Variants in DLGAP2 observed in about 807,000 individuals in gnomAD.
DLGAP2 encodes disks large-associated protein 2.
Under a neutral mutation model 100.3 loss-of-function variants are expected in DLGAP2, and 26 were observed. That is an observed-to-expected ratio of 0.26 (90% CI 0.19 to 0.36). The LOEUF (loss-of-function observed/expected upper bound fraction) is 0.36, where lower values mean the gene tolerates loss of function less well. Among genes scored for constraint, DLGAP2 ranks in the 10% least tolerant of loss-of-function variants. DLGAP2 has a pLI of 1.00. For missense variants in DLGAP2, 1,858 were observed against 1,453.2 expected (o/e 1.28, Z -4.53); for synonymous variants, 886 against 630.1 (o/e 1.41, Z -6.08).
At chr8:1,543,956 G>T (rs1563211191) in intron 4 of DLGAP2, among the ~76,000 whole-genome samples, 1 of 151,770 alleles carries the variant, frequency 6.6e-6, no homozygotes, top group Non-Finnish European at 1.5e-5. Flanking sequence ...AGGCTGGAGT[G>T]CAGTGATGCA....
chr8:1,323,282 A>T (rs1479553592), intron 3 of DLGAP2, among the ~76,000 whole-genome samples: 1 of 152,244 alleles, frequency 6.6e-6, no homozygotes, highest in East Asian at 1.9e-4. Flanking sequence ...CACCCGCCTC[A>T]GCCTCCCAAA....
chr8:1,491,237 A>G (rs972849918), intron 3 of DLGAP2, among the ~76,000 whole-genome samples: 9 of 152,004 alleles, frequency 5.9e-5, no homozygotes, highest in Admixed American at 1.3e-4. Flanking sequence ...TGAAATTCAC[A>G]TGTAACTGGC....
At chr8:1,229,348 A>G (rs1197499712) in intron 2 of DLGAP2, among the ~76,000 whole-genome samples, 2 of 151,812 alleles carry the variant, frequency 1.3e-5, no homozygotes, top group South Asian at 4.2e-4. Context: ...GTATGAATCC[A>G]TCTGTTCTGA....
At chr8:1,691,776 G>A (rs1283372272) in intron 13 of DLGAP2, 150 bp downstream of exon 13, 5 of 733,320 alleles carry the variant, frequency 6.8e-6, no homozygotes, top group South Asian at 3.8e-5. Flanking sequence ...TTCCCGCCCT[G>A]GGGAAAGAGA....
At chr8:1,371,397 G>T (rs1399394155) in intron 3 of DLGAP2, among the ~76,000 whole-genome samples, 1 of 152,216 alleles carries the variant, frequency 6.6e-6, no homozygotes, top group Admixed American at 6.5e-5. Flanking sequence ...CTTGGCAGAA[G>T]TCAGGCGTGG....
intron 12 of DLGAP2, among the ~76,000 whole-genome samples, chr8:1,690,393 C>T (rs1334809280): frequency 6.6e-6 from 1 of 151,090 alleles, no homozygotes; most frequent in African/African-American, 2.4e-5. Flanking sequence ...AACACACACA[C>T]ATACAGTATA....
intron 2 of DLGAP2, among the ~76,000 whole-genome samples, chr8:1,216,531 C>G (rs775177134): frequency 6.6e-6 from 1 of 151,780 alleles, no homozygotes; most frequent in Non-Finnish European, 1.5e-5. Context: ...CAGATTGTCT[C>G]ACTATGTTGC....
At chr8:1,176,395 G>C (rs1417156323) in intron 2 of DLGAP2, among the ~76,000 whole-genome samples, 1 of 101,168 alleles carries the variant, frequency 9.9e-6, no homozygotes, top group Non-Finnish European at 2.2e-5. Context: ...CATATCACCA[G>C]AGTTTCTGTG....
chr8:1,277,910 T>A (rs1799737230), intron 3 of DLGAP2, among the ~76,000 whole-genome samples: 1 of 152,208 alleles, frequency 6.6e-6, no homozygotes, highest in African/African-American at 2.4e-5. Flanking sequence ...GGAAACGTTA[T>A]CTTGAATCTC....
At chr8:820,795 T>C (rs1796569814) in intron 1 of DLGAP2, among the ~76,000 whole-genome samples, 1 of 152,090 alleles carries the variant, frequency 6.6e-6, no homozygotes, top group African/African-American at 2.4e-5. Flanking sequence ...AATGGGAAAA[T>C]TGGAGATAAC....
chr8:1,341,336 C>T (rs1051167627), intron 3 of DLGAP2, among the ~76,000 whole-genome samples: 8 of 152,178 alleles, frequency 5.3e-5, no homozygotes, highest in Admixed American at 1.3e-4. Context: ...TCAACAGAGA[C>T]GTGCAGTCCT....
chr8:1,276,763 G>A (rs1181390652), intron 3 of DLGAP2, among the ~76,000 whole-genome samples: 3 of 152,194 alleles, frequency 2.0e-5, no homozygotes, highest in Non-Finnish European at 2.9e-5. Flanking sequence ...TATTTAAAAC[G>A]TAAAGTTGTT....
intron 1 of DLGAP2, among the ~76,000 whole-genome samples, chr8:762,917 G>T (rs1563417889): frequency 6.6e-6 from 1 of 152,138 alleles, no homozygotes; most frequent in African/African-American, 2.4e-5. Flanking sequence ...GGCTCAAGCA[G>T]TCACTCACCT....
intron 3 of DLGAP2, among the ~76,000 whole-genome samples, chr8:1,284,706 C>T (rs1208546021): frequency 3.3e-5 from 5 of 152,302 alleles, no homozygotes; most frequent in East Asian, 1.9e-4. Context: ...AGTGCAGCCT[C>T]AGCTGCCTGA....
At chr8:861,556 TAAAC>T (rs1315310884) in intron 1 of DLGAP2, among the ~76,000 whole-genome samples, 1 of 152,258 alleles carries the variant, frequency 6.6e-6, no homozygotes, top group Non-Finnish European at 1.5e-5. Context: ...AATAAATTAA[TAAAC>T]AGTCAGGTAG....
At chr8:1,252,654 C>T (rs532056320) in intron 2 of DLGAP2, among the ~76,000 whole-genome samples, 2 of 152,370 alleles carry the variant, frequency 1.3e-5, no homozygotes, top group African/African-American at 4.8e-5. Context: ...GTCATGGTTT[C>T]GTGCTCTGTG....
chr8:946,043 C>T (rs1011691833), intron 2 of DLGAP2, among the ~76,000 whole-genome samples: 9 of 151,996 alleles, frequency 5.9e-5, no homozygotes, highest in African/African-American at 1.4e-4. Flanking sequence ...CCTGAATAGG[C>T]GTAAACTTGC....
At chr8:811,573 T>A (rs1250008552) in intron 1 of DLGAP2, among the ~76,000 whole-genome samples, 4 of 140,878 alleles carry the variant, frequency 2.8e-5, no homozygotes, top group Non-Finnish European at 6.2e-5. Context: ...CTGGGGGCCC[T>A]GCCAGGGCTC....
chr8:1,410,020 C>A (rs1056358545), intron 3 of DLGAP2, among the ~76,000 whole-genome samples: 1 of 152,114 alleles, frequency 6.6e-6, no homozygotes, highest in Non-Finnish European at 1.5e-5. Flanking sequence ...GAACCCTGAC[C>A]GATACGTGCT....
Sources: gnomAD v4.1 joint callset for allele counts (sites outside exome capture counted in the v4.1 genomes callset) on GRCh38, gnomAD v4.1.1 for gene constraint, MANE v1.5 for transcripts, NCBI Gene and HGNC (gene_info 2026-07-23, HGNC 2026-07-21) for gene names.